Variants in SNX29 observed in about 807,000 individuals in gnomAD.
SNX29 encodes the protein sorting nexin 29.
A neutral mutation model predicts 102.1 loss-of-function variants in SNX29; 78 were observed. The ratio of observed to expected loss-of-function variants is 0.76; its 90% CI spans 0.64 to 0.92. The LOEUF (loss-of-function observed/expected upper bound fraction) is 0.92. SNX29 is among the 40% of genes least tolerant of loss of function. SNX29 has a pLI of 0.00. For missense variants in SNX29, 1,280 were observed against 1,061.7 expected (o/e 1.21, Z -2.86); for synonymous variants, 580 against 414.5 (o/e 1.40, Z -4.85).
chr16:12,523,286 C>G (rs1472654123), intron 19 of SNX29, among the ~76,000 whole-genome samples: 3 of 152,262 alleles, frequency 2.0e-5, no homozygotes, highest in Non-Finnish European at 2.9e-5. Flanking sequence ...CCGAGGCCCA[C>G]TGCAGACAGC....
At chr16:12,003,647 A>G (rs995659259) in intron 3 of SNX29, among the ~76,000 whole-genome samples, 4 of 152,206 alleles carry the variant, frequency 2.6e-5, no homozygotes, top group African/African-American at 9.6e-5. Flanking sequence ...AATACTGGGA[A>G]TATTGCTTTC....
chr16:12,548,540 A>C (rs2077755377), intron 20 of SNX29, among the ~76,000 whole-genome samples: 1 of 152,164 alleles, frequency 6.6e-6, no homozygotes, highest in African/African-American at 2.4e-5. Context: ...GCCTTCTGGG[A>C]ATTCCCTCTA....
At chr16:12,206,469 G>T (rs1189481839) in intron 14 of SNX29, among the ~76,000 whole-genome samples, 1 of 150,688 alleles carries the variant, frequency 6.6e-6, no homozygotes, top group Non-Finnish European at 1.5e-5. Context: ...TCTGATTTCA[G>T]ACTCTGCCAA....
intron 15 of SNX29, among the ~76,000 whole-genome samples, chr16:12,333,357 G>T (rs756451348): frequency 1.3e-5 from 2 of 151,676 alleles, no homozygotes; most frequent in African/African-American, 2.4e-5. Flanking sequence ...TGCCTGCCTC[G>T]GCCTCCCAAA....
At chr16:12,045,354 G>A (rs190444457) in intron 5 of SNX29, among the ~76,000 whole-genome samples, 54 of 152,146 alleles carry the variant, frequency 3.5e-4, no homozygotes, top group Non-Finnish European at 7.1e-4. Context: ...ATGACCTGGC[G>A]GGGAAGTTAT....
At chr16:12,548,398 T>A (rs540483120) in intron 20 of SNX29, among the ~76,000 whole-genome samples, 2 of 152,314 alleles carry the variant, frequency 1.3e-5, no homozygotes, top group East Asian at 3.9e-4. Context: ...TAAGGTCTCC[T>A]TTGTAACCTA....
chr16:12,268,981 G>C (rs778747513), intron 14 of SNX29, among the ~76,000 whole-genome samples: 1 of 152,300 alleles, frequency 6.6e-6, no homozygotes, highest in African/African-American at 2.4e-5. Context: ...GAAAAGTTAT[G>C]AATGTTCTCT....
At chr16:12,218,848 C>T (rs1232376629) in intron 14 of SNX29, among the ~76,000 whole-genome samples, 2 of 152,142 alleles carry the variant, frequency 1.3e-5, no homozygotes, top group Non-Finnish European at 2.9e-5. Flanking sequence ...GACCTCGGCT[C>T]ACTGCAAGCT....
intron 15 of SNX29, among the ~76,000 whole-genome samples, chr16:12,337,614 T>C (rs893437973): frequency 5.9e-5 from 9 of 152,310 alleles, no homozygotes; most frequent in Non-Finnish European, 1.2e-4. Flanking sequence ...AGTGCTAGGA[T>C]TACAGGTGTG....
intron 16 of SNX29, among the ~76,000 whole-genome samples, chr16:12,358,137 C>T (rs1006933431): frequency 6.6e-5 from 10 of 152,108 alleles, no homozygotes; most frequent in African/African-American, 1.4e-4. Context: ...TAGTGTATGG[C>T]GTCTTAAACT....
At chr16:12,539,169 T>G (rs1404572627) in intron 20 of SNX29, among the ~76,000 whole-genome samples, 1 of 152,202 alleles carries the variant, frequency 6.6e-6, no homozygotes, top group African/African-American at 2.4e-5. Context: ...TGTTCATGTC[T>G]GTGAATTTAA....
At chr16:12,039,269 TAGTTACCCC>T (rs1267298697) in intron 4 of SNX29, among the ~76,000 whole-genome samples, 4 of 152,380 alleles carry the variant, frequency 2.6e-5, no homozygotes, top group Admixed American at 2.6e-4. Flanking sequence ...CTTCCCTTTC[TAGTTACCCC>T]AGTAACCCTG....
chr16:12,346,277 G>C (rs1272550119), intron 15 of SNX29, among the ~76,000 whole-genome samples: 3 of 152,136 alleles, frequency 2.0e-5, no homozygotes, highest in Non-Finnish European at 4.4e-5. Flanking sequence ...AGGACCAGTG[G>C]TACTGGACAC....
At chr16:12,523,261 C>A (rs112907680) in intron 19 of SNX29, among the ~76,000 whole-genome samples, 2,399 of 152,324 alleles carry the variant, frequency 0.016, 67 homozygotes, top group South Asian at 0.11. Context: ...TGTATGGGGC[C>A]TCCTGGGCGA....
intron 13 of SNX29, among the ~76,000 whole-genome samples, chr16:12,159,165 A>G (rs993155397): frequency 3.9e-5 from 6 of 152,372 alleles, no homozygotes; most frequent in Middle Eastern, 3.4e-3. Context: ...TTTGGCTCCC[A>G]GCAAGGCTGG....
At chr16:12,315,228 G>A (rs1276504620) in intron 15 of SNX29, among the ~76,000 whole-genome samples, 1 of 152,184 alleles carries the variant, frequency 6.6e-6, no homozygotes, top group African/African-American at 2.4e-5. Flanking sequence ...CCAGTTGAGA[G>A]TGATGCAGAA....
chr16:12,461,329 C>T (rs1265687844), intron 18 of SNX29, among the ~76,000 whole-genome samples: 1 of 152,158 alleles, frequency 6.6e-6, no homozygotes, highest in Admixed American at 6.5e-5. Context: ...TGCAGCTGGG[C>T]TGACTTGGAA....
chr16:12,286,929 A>G (rs1478110414), intron 15 of SNX29, among the ~76,000 whole-genome samples: 1 of 152,156 alleles, frequency 6.6e-6, no homozygotes, highest in Non-Finnish European at 1.5e-5. Context: ...CCATAGTCAT[A>G]CTTTAAAAAG....
intron 14 of SNX29, among the ~76,000 whole-genome samples, chr16:12,244,537 G>A (rs2078205463): frequency 6.6e-6 from 1 of 152,064 alleles, no homozygotes; most frequent in Admixed American, 6.6e-5. Context: ...TGAAACCTGG[G>A]AGGCAGCGGT....
Sources: allele counts gnomAD v4.1 joint callset (sites outside exome capture counted in the v4.1 genomes callset), GRCh38; gene constraint gnomAD v4.1.1; transcripts MANE v1.5; gene names NCBI Gene and HGNC (gene_info 2026-07-23, HGNC 2026-07-21).